The following FCHO2 variants were observed in gnomAD, a reference collection of about 807,000 sequenced individuals.
FCHO2 encodes the protein FCH and mu domain containing endocytic adaptor 2.
In FCHO2, 43 loss-of-function variants were observed where a neutral mutation model predicts 114.1. The ratio of observed to expected loss-of-function variants is 0.38; its 90% CI spans 0.30 to 0.49. The LOEUF is 0.49. Ranked by LOEUF, FCHO2 falls within the 20% of genes least tolerant of loss-of-function variation. The pLI, the probability that FCHO2 is intolerant of heterozygous loss-of-function variation, is 0.97. For synonymous variants in FCHO2, 293 were observed against 315.2 expected (o/e 0.93, Z 0.75); for missense variants, 807 against 950.4 (o/e 0.85, Z 1.98).
At chr5:73,051,069 G>T in intron 11 of FCHO2, 2 of 322,158 alleles carry the variant, frequency 6.2e-6, no homozygotes, top group Non-Finnish European at 1.1e-5. Context: ...AATCTGAATT[G>T]GTCCCCACCT....
At chr5:72,989,770 A>C (rs1023971219) in intron 3 of FCHO2, among the ~76,000 whole-genome samples, 2 of 152,142 alleles carry the variant, frequency 1.3e-5, no homozygotes, top group Non-Finnish European at 2.9e-5. Context: ...ATGTTATCTT[A>C]TGCACATGCA....
In FCHO2 at chr5:73,017,236, A is replaced by G; in HGVS notation, c.724A>G (p.Met242Val). Residue 242 changes from methionine to valine, a missense_variant, in exon 8 of 26, where the codon ATG becomes GTG. Coordinates refer to ENST00000430046, the MANE Select transcript of FCHO2 (RefSeq NM_138782.3). ...GGTCCATGAAGAATTTATAAATAAC[A>G]TGGCTAATACTACAGTTGAAAGTTT... is the stretch of plus-strand genomic sequence containing the variant. Reference protein sequence around the residue: ...GQVHEEFINNMANTTVESLIQ... With the variant: ...GQVHEEFINNVANTTVESLIQ... 6.5e-7 allele frequency: 1 copy of G among 1,548,672 alleles called. No homozygotes were observed. The highest frequency in any genetic ancestry group is 8.7e-7 in the Non-Finnish European group (1 of 1,145,870).
Position 72,979,537 on chromosome 5 carries a change from G to A in FCHO2, c.126-9890G>A, listed in dbSNP as rs551455626. 2.0e-3 allele frequency among the ~76,000 whole-genome samples: 292 copies of A among 149,734 alleles called. 1 individual carries two copies. In the South Asian group the frequency reaches 0.04, roughly 20 times the overall value. ...CTCCCGAGTAGCTGGGACTACAGGCGCCCGCTACCACGCCCGGCTAATTTT... is the reference window on the plus strand; with the variant it reads ...CTCCCGAGTAGCTGGGACTACAGGCACCCGCTACCACGCCCGGCTAATTTT... On this transcript the variant is annotated intron_variant, in intron 2 of 25. Transcript: ENST00000430046.
chr5:73,028,559 G>C (rs960599656), intron 8 of FCHO2, among the ~76,000 whole-genome samples: 1 of 151,034 alleles, frequency 6.6e-6, no homozygotes. Context: ...ATAAACTACT[G>C]ATACATGCAA....
intron 1 of FCHO2, among the ~76,000 whole-genome samples, chr5:72,961,689 G>C (rs951081141): frequency 2.0e-5 from 3 of 151,894 alleles, no homozygotes; most frequent in African/African-American, 7.3e-5. Flanking sequence ...CTGCCTCCCA[G>C]GTTCAAGCAA....
chr5:73,007,206 C>T (rs1339793716), intron 6 of FCHO2, among the ~76,000 whole-genome samples: 1 of 152,186 alleles, frequency 6.6e-6, no homozygotes, highest in African/African-American at 2.4e-5. Context: ...CCAGAAATCT[C>T]AGTGGCTTAC....
At chr5:73,082,634 C>A in intron 23 of FCHO2, 127 bp from the exon 24 acceptor site, 1 of 729,610 alleles carries the variant, frequency 1.4e-6, no homozygotes, top group Non-Finnish European at 2.3e-6. Context: ...CCAGTTAATA[C>A]TACTTAAACT....
chr5:73,030,745 T>C (rs559856733), intron 8 of FCHO2, among the ~76,000 whole-genome samples: 1 of 152,340 alleles, frequency 6.6e-6, no homozygotes, highest in Admixed American at 6.5e-5. Flanking sequence ...CAGTAGTCTG[T>C]GGTTTAACAA....
chr5:73,043,443 ATG>A (rs1756904793), intron 11 of FCHO2, among the ~76,000 whole-genome samples: 1 of 152,102 alleles, frequency 6.6e-6, no homozygotes, highest in Admixed American at 6.5e-5. Flanking sequence ...TAGTGTGTAT[ATG>A]TGTGTGTATA....
At position 73,084,375 on chromosome 5, in the gene FCHO2, C is replaced by T. The variant is rs375372098; in HGVS notation, c.2245+1550C>T. Among the ~76,000 whole-genome samples, 8 of 152,270 alleles carry T rather than the reference C, an allele frequency of 5.3e-5. No homozygotes were observed. In the East Asian group the frequency reaches 1.4e-3, roughly 26 times the overall value. On this transcript the variant is annotated intron_variant, in intron 24 of 25. Transcript: ENST00000430046. Reference sequence around the variant, plus strand: ...CTGCCTCCCAGGTTCAAGCAATTCTCCTGCCTCAGCCTCCCGAGTAGCTGG... The same window carrying T: ...CTGCCTCCCAGGTTCAAGCAATTCTTCTGCCTCAGCCTCCCGAGTAGCTGG...
chr5:73,048,735 GT>G (rs1380236890), intron 11 of FCHO2, among the ~76,000 whole-genome samples: 1 of 151,906 alleles, frequency 6.6e-6, no homozygotes, highest in Non-Finnish European at 1.5e-5. Context: ...TATATATGTA[GT>G]TTTGTTACAC....
At chr5:72,996,078 G>C (rs1409664214) in intron 5 of FCHO2, among the ~76,000 whole-genome samples, 2 of 151,828 alleles carry the variant, frequency 1.3e-5, no homozygotes, top group Non-Finnish European at 2.9e-5. Context: ...CCCCTTCTCT[G>C]CTAAAAAGAC....
chr5:73,066,577 T>C (rs1580194033), intron 18 of FCHO2, among the ~76,000 whole-genome samples: 1 of 44,960 alleles, frequency 2.2e-5, no homozygotes, highest in African/African-American at 4.8e-5. Context: ...TGCCTTTTCT[T>C]TTTTTTTTTT....
chr5:72,990,921 T>C (rs1481463350), intron 5 of FCHO2, 57 bp downstream of exon 5: 10 of 1,491,600 alleles, frequency 6.7e-6, no homozygotes, highest in Non-Finnish European at 8.9e-6. Flanking sequence ...CATACAAAAT[T>C]GCATTTAACA....
intron 8 of FCHO2, among the ~76,000 whole-genome samples, chr5:73,028,294 C>A (rs561501090): frequency 1.3e-5 from 2 of 152,266 alleles, no homozygotes; most frequent in South Asian, 2.1e-4. Context: ...AATGGTGCAA[C>A]CACTCTGGAA....
At chr5:73,031,428 CT>C (rs1756236916) in intron 8 of FCHO2, among the ~76,000 whole-genome samples, 1 of 152,114 alleles carries the variant, frequency 6.6e-6, no homozygotes, top group Non-Finnish European at 1.5e-5. Context: ...AAAACTTGTC[CT>C]GTTGATGGCC....
intron 10 of FCHO2, among the ~76,000 whole-genome samples, chr5:73,040,560 GTCT>G (rs1272025105): frequency 6.6e-6 from 1 of 151,992 alleles, no homozygotes; most frequent in Non-Finnish European, 1.5e-5. Context: ...ACATATTTAG[GTCT>G]TCTTTATAAA....
chr5:73,041,049 A>G (rs1187477516), intron 10 of FCHO2, among the ~76,000 whole-genome samples: 1 of 151,596 alleles, frequency 6.6e-6, no homozygotes, highest in Non-Finnish European at 1.5e-5. Flanking sequence ...AAGCTGTTAG[A>G]AAAAAAGGAA....
In FCHO2 at chr5:73,006,655, C is replaced by A. The variant is rs574512438; in HGVS notation, c.600+106C>A. 5.6e-4 allele frequency: 386 copies of A among 695,422 alleles called. 5 individuals carry two copies. In the East Asian group the frequency reaches 0.013, roughly 23 times the overall value. 43.1% of individuals were successfully genotyped at this position (695,422 alleles called of 1,614,324 possible). On this transcript the variant is annotated intron_variant, in intron 6 of 25. Coordinates refer to ENST00000430046, the MANE Select transcript of FCHO2 (RefSeq NM_138782.3). ...TTAGTGTTGGAAGTTTTAAAATGCA[C>A]AATCTCAATTTGTTAATGATGCTGT...
Sources: allele counts gnomAD v4.1 joint callset (sites outside exome capture counted in the v4.1 genomes callset), GRCh38; gene constraint gnomAD v4.1.1; transcripts MANE v1.5; gene names NCBI Gene and HGNC (gene_info 2026-07-23, HGNC 2026-07-21).